The following EMSY variants were observed in gnomAD, a reference collection of about 807,000 sequenced individuals.
EMSY encodes the protein BRCA2-interacting transcriptional repressor EMSY.
In EMSY, 26 loss-of-function variants were observed where a neutral mutation model predicts 134.6. That is an observed-to-expected ratio of 0.19 (90% CI 0.14 to 0.27). The LOEUF (loss-of-function observed/expected upper bound fraction) is 0.27, where lower values mean the gene tolerates loss of function less well. Ranked by LOEUF, EMSY falls within the 10% of genes least tolerant of loss-of-function variation. The pLI is 1.00. For missense variants in EMSY, 1,305 were observed against 1,611.4 expected (o/e 0.81, Z 3.26); for synonymous variants, 579 against 577.8 (o/e 1.00, Z -0.03).
chr11:76,509,509 A>G (rs1007845845), intron 9 of EMSY, among the ~76,000 whole-genome samples: 1 of 152,232 alleles, frequency 6.6e-6, no homozygotes, highest in Non-Finnish European at 1.5e-5. Flanking sequence ...ACAAAAAACA[A>G]AAACAAACAG....
At chr11:76,481,798 G>A (rs1275505374) in intron 8 of EMSY, among the ~76,000 whole-genome samples, 1 of 152,218 alleles carries the variant, frequency 6.6e-6, no homozygotes, top group Non-Finnish European at 1.5e-5. Context: ...GCACCTGGGG[G>A]AAGGGGCGGC....
intron 9 of EMSY, among the ~76,000 whole-genome samples, chr11:76,507,865 C>CTTTTTTTT (rs55756987): frequency 1.7e-5 from 2 of 118,624 alleles, no homozygotes; most frequent in Non-Finnish European, 3.7e-5. Flanking sequence ...TTTTCTTTTT[C>CTTTTTTTT]TTTTTTTTTT....
chr11:76,541,266 A>ATT (rs1951429675), intron 17 of EMSY, among the ~76,000 whole-genome samples: 3 of 152,184 alleles, frequency 2.0e-5, no homozygotes. Flanking sequence ...GAAGCTGGTA[A>ATT]AATTTGATAG....
chr11:76,486,990 A>T (rs1216366514), intron 8 of EMSY, among the ~76,000 whole-genome samples: 3 of 152,252 alleles, frequency 2.0e-5, no homozygotes, highest in Admixed American at 2.0e-4. Context: ...TTAATAAGAC[A>T]GATGAGGCTG....
At chr11:76,505,231 C>A (rs1950024973) in intron 9 of EMSY, among the ~76,000 whole-genome samples, 1 of 152,060 alleles carries the variant, frequency 6.6e-6, no homozygotes, top group South Asian at 2.1e-4. Context: ...TGCCTGTAAT[C>A]CCAGCACTTT....
chr11:76,495,895 C>T (rs1312743097), intron 8 of EMSY, among the ~76,000 whole-genome samples: 1 of 152,110 alleles, frequency 6.6e-6, no homozygotes, highest in African/African-American at 2.4e-5. Flanking sequence ...CCTACATTTT[C>T]TAATAGAAAA....
At chr11:76,454,900 C>T (rs1947808343) in intron 4 of EMSY, 110 bp downstream of exon 5, 1 of 822,308 alleles carries the variant, frequency 1.2e-6, no homozygotes, top group African/African-American at 1.8e-5. Flanking sequence ...AACCATGCCC[C>T]TTGCTTTCCT....
At chr11:76,525,978 A>G (rs1338691121) in intron 12 of EMSY, among the ~76,000 whole-genome samples, 1 of 151,972 alleles carries the variant, frequency 6.6e-6, no homozygotes, top group African/African-American at 2.4e-5. Flanking sequence ...AACTTAGGGG[A>G]TGTATTTTAT....
chr11:76,538,446 A>T (rs1951307461), intron 16 of EMSY, among the ~76,000 whole-genome samples: 1 of 152,074 alleles, frequency 6.6e-6, no homozygotes, highest in East Asian at 1.9e-4. Context: ...TTTTTAGTAG[A>T]GATGGGATTT....
At position 76,518,703 on chromosome 11, in the gene EMSY, A is replaced by ATAT. The variant is rs57143914; in HGVS notation, c.1684+2392_1684+2393insATT. On this transcript the variant is annotated intron_variant, in intron 11 of 20. Coordinates refer to ENST00000334736, the Ensembl canonical transcript of EMSY. ...TGCGCGCATATATATATATATATAT[A>ATAT]TTTTTTTTTTAATTGGGATCTAATA... 3.7e-3 allele frequency among the ~76,000 whole-genome samples: 482 copies of ATAT among 130,190 alleles called. 6 individuals carry two copies. The highest frequency in any genetic ancestry group is 0.033 in the South Asian group (126 of 3,814). The allele number at this position is 130,190 out of a possible 152,430, so 85.4% of individuals were successfully genotyped here. A position where few individuals can be genotyped will look rare whatever the true frequency, so the allele number is the denominator to read the frequency against.
chr11:76,496,584 C>A, intron 9 of EMSY, 115 bp downstream of exon 10: 1 of 1,254,424 alleles, frequency 8.0e-7, no homozygotes, highest in Non-Finnish European at 1.1e-6. Flanking sequence ...TTGACTTTTT[C>A]ATCAGTGTTT....
rs145223297 is a variant in EMSY, at chr11:76,515,044, G to C, written c.1514-1098G>C. Among the ~76,000 whole-genome samples, 700 of 147,694 alleles carry C rather than the reference G, an allele frequency of 4.7e-3. 4 individuals are homozygous for C. Among genetic ancestry groups the C allele is most frequent in the African/African-American group, 0.016 (655 of 40,398 alleles). On this transcript the variant is annotated intron_variant, in intron 10 of 20. Transcript: ENST00000334736. ...CAAATTCAAACTATGTATCCATATA[G>C]CATATTTACTTTGCACTAGTTTTGT...
chr11:76,486,800 G>C (rs1009166645), intron 8 of EMSY, among the ~76,000 whole-genome samples: 2 of 152,168 alleles, frequency 1.3e-5, no homozygotes, highest in Admixed American at 6.5e-5. Flanking sequence ...TCTGAATCAA[G>C]GTGGTCATAA....
At chr11:76,463,387 G>T (rs1948208626) in intron 6 of EMSY, among the ~76,000 whole-genome samples, 1 of 151,650 alleles carries the variant, frequency 6.6e-6, no homozygotes, top group South Asian at 2.1e-4. Flanking sequence ...ACTTTGGGAG[G>T]CCGAGGCGGG....
intron 4 of EMSY, among the ~76,000 whole-genome samples, chr11:76,456,230 TC>T (rs748647054): frequency 1.3e-5 from 2 of 152,206 alleles, no homozygotes; most frequent in Non-Finnish European, 2.9e-5. Context: ...AATAGGAATT[TC>T]TGATCTAATT....
chr11:76,456,765 C>T (rs1474464482), intron 4 of EMSY, among the ~76,000 whole-genome samples: 1 of 152,178 alleles, frequency 6.6e-6, no homozygotes, highest in Non-Finnish European at 1.5e-5. Flanking sequence ...CAGCTGGATT[C>T]ATCGGCTCTT....
At chr11:76,516,979 T>G (rs1038205549) in intron 11 of EMSY, 1 of 152,222 alleles carries the variant, frequency 6.6e-6, no homozygotes, top group African/African-American at 2.4e-5. Context: ...CTGCAGTTCT[T>G]GGGTTGTGGA....
chr11:76,477,230 C>T (rs1338570700), intron 8 of EMSY, among the ~76,000 whole-genome samples: 1 of 145,898 alleles, frequency 6.9e-6, no homozygotes, highest in Non-Finnish European at 1.5e-5. Context: ...ACGTGAAATT[C>T]TTTTCTCTGT....
intron 9 of EMSY, among the ~76,000 whole-genome samples, chr11:76,511,082 A>G (rs560622706): frequency 6.6e-6 from 1 of 151,748 alleles, no homozygotes; most frequent in South Asian, 2.1e-4. Context: ...CGTGCCAGAT[A>G]TCAATATTTG....
Sources: gnomAD v4.1 joint callset for allele counts (sites outside exome capture counted in the v4.1 genomes callset) on GRCh38, gnomAD v4.1.1 for gene constraint, MANE v1.5 for transcripts, NCBI Gene and HGNC (gene_info 2026-07-23, HGNC 2026-07-21) for gene names.